The following EFHD1 variants were observed in gnomAD, a reference collection of about 807,000 sequenced individuals.
EFHD1 encodes the protein EF-hand domain family member D1.
Under a neutral mutation model 17.2 loss-of-function variants are expected in EFHD1, and 10 were observed. The ratio of observed to expected loss-of-function variants is 0.58; its 90% CI spans 0.36 to 0.99. The LOEUF (loss-of-function observed/expected upper bound fraction) is 0.99, where lower values mean the gene tolerates loss of function less well. Among genes scored for constraint, EFHD1 ranks in the 50% least tolerant of loss-of-function variants. The probability of loss-of-function intolerance (pLI) is 0.01; values close to 1 mark genes in which losing one functional copy is unlikely to be tolerated. For synonymous variants in EFHD1, 153 were observed against 142.0 expected, an observed-to-expected ratio of 1.08 and a Z score of -0.55; for missense variants, 310 against 327.5, an observed-to-expected ratio of 0.95 and a Z score of 0.41.
chr2:232,665,899 G>T (rs766524051), intron 2 of EFHD1, among the ~76,000 whole-genome samples: 2 of 152,114 alleles, frequency 1.3e-5, no homozygotes, highest in Non-Finnish European at 2.9e-5. Flanking sequence ...ACAGTTCACT[G>T]CAGCCTCTCA....
chr2:232,639,643 C>T (rs1398283661), intron 1 of EFHD1, among the ~76,000 whole-genome samples: 1 of 152,008 alleles, frequency 6.6e-6, no homozygotes, highest in Non-Finnish European at 1.5e-5. Flanking sequence ...CTATGTTCTG[C>T]ATGGGTTCAT....
chr2:232,624,806 CA>C (rs1302183880), intron 1 of EFHD1, among the ~76,000 whole-genome samples: 3 of 152,044 alleles, frequency 2.0e-5, no homozygotes, highest in Non-Finnish European at 4.4e-5. Flanking sequence ...AAGATGCTGG[CA>C]AAAAAGGAGG....
intron 1 of EFHD1, among the ~76,000 whole-genome samples, chr2:232,614,329 C>G (rs1241353372): frequency 6.6e-6 from 1 of 152,120 alleles, no homozygotes; most frequent in Non-Finnish European, 1.5e-5. Flanking sequence ...CTCCTCCCAC[C>G]TCCTCCATCT....
At chr2:232,615,312 AGTGTG>A (rs1176164845) in intron 1 of EFHD1, among the ~76,000 whole-genome samples, 6 of 136,476 alleles carry the variant, frequency 4.4e-5, no homozygotes, top group African/African-American at 1.6e-4. Flanking sequence ...TGTCAACTAT[AGTGTG>A]TGTGTGTGTG....
At chr2:232,615,684 C>CTTTTTTT (rs34266488) in intron 1 of EFHD1, among the ~76,000 whole-genome samples, 2 of 109,016 alleles carry the variant, frequency 1.8e-5, no homozygotes, top group Non-Finnish European at 3.6e-5. Context: ...TTTTCTTTTC[C>CTTTTTTT]TTTTTTTTTT....
chr2:232,627,064 A>AT (rs56085382), intron 1 of EFHD1, among the ~76,000 whole-genome samples: 2,109 of 92,034 alleles, frequency 0.023, 32 homozygotes, highest in Middle Eastern at 0.033. Flanking sequence ...ATATATATAT[A>AT]TTTTTTTTTT....
intron 1 of EFHD1, among the ~76,000 whole-genome samples, chr2:232,637,926 T>G (rs1252131888): frequency 6.6e-6 from 1 of 152,144 alleles, no homozygotes; most frequent in Non-Finnish European, 1.5e-5. Context: ...TGGAGTGGTG[T>G]CCTTTGTGAG....
At chr2:232,620,958 T>G (rs1218714173) in intron 1 of EFHD1, among the ~76,000 whole-genome samples, 2 of 151,342 alleles carry the variant, frequency 1.3e-5, no homozygotes, top group Non-Finnish European at 2.9e-5. Flanking sequence ...GGTGAGGGAG[T>G]GTCGGGGTTC....
intron 1 of EFHD1, 107 bp downstream of exon 1, chr2:232,634,113 G>A (rs965947496): frequency 3.1e-5 from 46 of 1,491,496 alleles, no homozygotes; most frequent in Non-Finnish European, 4.0e-5. Context: ...GTCCCGGGGT[G>A]CAGGTAGCAT....
chr2:232,675,590 G>T (rs1559357514), intron 3 of EFHD1, among the ~76,000 whole-genome samples: 2 of 152,172 alleles, frequency 1.3e-5, no homozygotes, highest in Admixed American at 6.5e-5. Context: ...TGATTCCGAT[G>T]CACAGCCGCA....
intron 2 of EFHD1, among the ~76,000 whole-genome samples, chr2:232,666,893 A>G (rs918952167): frequency 6.6e-5 from 10 of 152,322 alleles, no homozygotes; most frequent in African/African-American, 2.4e-4. Flanking sequence ...TGAAAAGAGC[A>G]TGGGCTCAGT....
rs140708348 is a variant in EFHD1, at chr2:232,652,693, C to T, written c.303-10109C>T. ...GACAATGCCTCGTGAACTGCAAAGC[C>T]GACCAGTTTTAGTTACTACATGTTT... is the stretch of plus-strand genomic sequence containing the variant. On this transcript the variant is annotated intron_variant, in intron 1 of 3. Coordinates refer to ENST00000264059, the MANE Select transcript of EFHD1 (RefSeq NM_025202.4). Among the ~76,000 whole-genome samples the T allele has an allele frequency of 3.0e-3, 453 of 152,180 alleles. 3 individuals are homozygous for T. Among genetic ancestry groups the T allele is most frequent in the Middle Eastern group, 0.02 (6 of 294 alleles).
chr2:232,672,275 C>A, intron 2 of EFHD1, 34 bp from the exon 3 acceptor site: 1 of 1,614,082 alleles, frequency 6.2e-7, no homozygotes. Flanking sequence ...GTCAGTGAGA[C>A]TGACTCTGGT....
upstream of EFHD1, chr2:232,633,491 G>C: frequency 8.0e-7 from 1 of 1,252,070 alleles, no homozygotes; most frequent in Non-Finnish European, 1.0e-6. Context: ...CTCCCACCAG[G>C]CTGGCAGTCG....
In EFHD1 at chr2:232,662,898, C is replaced by T. The variant is rs73107654; in HGVS notation, c.399C>T (p.Ser133=). The part of the protein sequence containing the change: ...GAPQTHLGLK[S]MIKEVDEDFD... Reference sequence around the variant, plus strand: ...CCCAGACCCACCTGGGCCTGAAGAGCATGATCAAGGAGGTGGATGAGGACT... The same window carrying T: ...CCCAGACCCACCTGGGCCTGAAGAGTATGATCAAGGAGGTGGATGAGGACT... The change falls in exon 2 of 4, where the codon AGC becomes AGT. Residue 133 remains serine (S), a synonymous_variant. Transcript: ENST00000264059. 1.1e-3 allele frequency: 1,725 copies of T among 1,595,114 alleles called. 23 individuals carry two copies. The African/African-American group carries it at 0.021, about 19-fold the overall frequency.
At chr2:232,614,486 AT>A (rs1289736712) in intron 1 of EFHD1, among the ~76,000 whole-genome samples, 4 of 152,038 alleles carry the variant, frequency 2.6e-5, no homozygotes, top group African/African-American at 4.8e-5. Flanking sequence ...CTTCCTTACA[AT>A]TTCCTTGATA....
chr2:232,629,121 G>A (rs1288892441), upstream of EFHD1, among the ~76,000 whole-genome samples: 1 of 152,196 alleles, frequency 6.6e-6, no homozygotes, highest in Non-Finnish European at 1.5e-5. Context: ...AAGTGTATTA[G>A]AGCAGAGATT....
intron 1 of EFHD1, among the ~76,000 whole-genome samples, chr2:232,646,141 C>A (rs147835397): frequency 6.6e-6 from 1 of 152,216 alleles, no homozygotes; most frequent in South Asian, 2.1e-4. Flanking sequence ...ATGTCATTAC[C>A]TTGCTTCCCT....
rs747139137 is a variant in EFHD1 at position 232,633,937 on chromosome 2, T to G, written c.233T>G (p.Phe78Cys). Reference protein sequence around the residue: ...GAARPRRCRVFNPYTEFPEFS... With the variant: ...GAARPRRCRVCNPYTEFPEFS... ...GCGCGGCCCCGGCGCTGCAGGGTCT[T>G]CAACCCCTACACGGAGTTCCCGGAG... The change falls in exon 1 of 4, where the codon TTC becomes TGC. Residue 78 changes from phenylalanine to cysteine, a missense_variant. Phe to Cys is a radical substitution (Grantham distance 205). Coordinates refer to ENST00000264059, the MANE Select transcript of EFHD1 (RefSeq NM_025202.4). The G allele has an allele frequency of 5.0e-6, 8 of 1,596,704 alleles. No individual in the cohort carries two copies. Among genetic ancestry groups the G allele is most frequent in the Non-Finnish European group, 5.9e-6 (7 of 1,179,028 alleles).
Sources: allele counts gnomAD v4.1 joint callset (sites outside exome capture counted in the v4.1 genomes callset), GRCh38; gene constraint gnomAD v4.1.1; transcripts MANE v1.5; gene names NCBI Gene and HGNC (gene_info 2026-07-23, HGNC 2026-07-21).